The following MERTK variants were observed in gnomAD, a reference collection of about 807,000 sequenced individuals.
The protein encoded by MERTK is MER proto-oncogene, tyrosine kinase.
MERTK carries 69 observed loss-of-function variants against 99.3 expected under a neutral mutation model. That is an observed-to-expected ratio of 0.70 (90% CI 0.57 to 0.85). The LOEUF (loss-of-function observed/expected upper bound fraction) is 0.85. Ranked by LOEUF, MERTK falls within the 40% of genes least tolerant of loss-of-function variation. MERTK has a pLI of 0.00. For synonymous variants in MERTK, 426 were observed against 467.6 expected (o/e 0.91, Z 1.15); for missense variants, 1,125 against 1,249.4 (o/e 0.90, Z 1.50).
intron 10 of MERTK, among the ~76,000 whole-genome samples, chr2:111,999,672 T>A (rs1676827092): frequency 6.6e-6 from 1 of 152,214 alleles, no homozygotes; most frequent in South Asian, 2.1e-4. Context: ...CCATACCTAG[T>A]TTCCCCTATT....
At chr2:111,925,275 GATAT>G (rs201320082) in intron 1 of MERTK, among the ~76,000 whole-genome samples, 6 of 52,174 alleles carry the variant, frequency 1.2e-4, no homozygotes, top group African/African-American at 2.9e-4. Context: ...GTACAGATCA[GATAT>G]ATATATATAT....
intron 15 of MERTK, among the ~76,000 whole-genome samples, chr2:112,016,881 G>C (rs535860367): frequency 1.3e-5 from 2 of 152,222 alleles, no homozygotes; most frequent in Non-Finnish European, 2.9e-5. Flanking sequence ...CCTGAGGTCA[G>C]GATGTGTCCG....
intron 1 of MERTK, among the ~76,000 whole-genome samples, chr2:111,906,732 A>G (rs1426600913): frequency 4.6e-5 from 7 of 152,226 alleles, no homozygotes; most frequent in Non-Finnish European, 1.0e-4. Context: ...GTTCTTTGAA[A>G]GTTTTGGAGC....
At chr2:111,944,549 G>A in intron 2 of MERTK, among the ~76,000 whole-genome samples, 1 of 2,040 alleles carries the variant, frequency 4.9e-4, no homozygotes, top group Non-Finnish European at 1.1e-3. Context: ...CACACAGTGG[G>A]GGCTGACAAA....
intron 13 of MERTK, among the ~76,000 whole-genome samples, chr2:112,005,676 A>T (rs932250898): frequency 9.9e-5 from 15 of 152,240 alleles, no homozygotes; most frequent in African/African-American, 3.6e-4. Flanking sequence ...TGAATCATGG[A>T]TGGAGATTAT....
chr2:112,010,537 G>C (rs1677077442), intron 15 of MERTK, among the ~76,000 whole-genome samples: 1 of 152,150 alleles, frequency 6.6e-6, no homozygotes, highest in Admixed American at 6.5e-5. Context: ...TACTCCCTAT[G>C]TTGACTTACC....
At chr2:111,903,055 A>AG (rs1684075080) in intron 1 of MERTK, among the ~76,000 whole-genome samples, 1 of 152,220 alleles carries the variant, frequency 6.6e-6, no homozygotes, top group Non-Finnish European at 1.5e-5. Context: ...CAGAGATTAC[A>AG]GGCGTGAGCT....
At chr2:111,977,110 A>G (rs555266171) in intron 7 of MERTK, among the ~76,000 whole-genome samples, 2 of 152,270 alleles carry the variant, frequency 1.3e-5, no homozygotes, top group South Asian at 4.1e-4. Flanking sequence ...TACCATTTCT[A>G]GTGGTCTTCA....
Position 111,977,307 on chromosome 2 carries a change from T to C in MERTK, c.1144+1835T>C, listed in dbSNP as rs79337346. Among the ~76,000 whole-genome samples, 976 of 152,328 alleles carry C rather than the reference T, an allele frequency of 6.4e-3. 13 individuals carry two copies. Among genetic ancestry groups the C allele is most frequent in the African/African-American group, 0.023 (942 of 41,564 alleles). On this transcript the variant is annotated intron_variant, in intron 7 of 18. Coordinates refer to ENST00000295408, the MANE Select transcript of MERTK (RefSeq NM_006343.3). ...TAGCCTTCATTTTTGAAAGGTATTT[T>C]TATGAGGTATAGAACTGTAGGTTCA...
chr2:112,007,086 A>G (rs1447610583), intron 13 of MERTK, among the ~76,000 whole-genome samples: 1 of 152,176 alleles, frequency 6.6e-6, no homozygotes, highest in Admixed American at 6.5e-5. Context: ...TAAGTGTACA[A>G]TTCAGTGGTA....
At chr2:111,977,597 C>T (rs1676279772) in intron 7 of MERTK, among the ~76,000 whole-genome samples, 1 of 152,092 alleles carries the variant, frequency 6.6e-6, no homozygotes. Context: ...TTGTTGTTTA[C>T]ATCAAATTTG....
intron 7 of MERTK, among the ~76,000 whole-genome samples, chr2:111,980,610 G>A (rs1330275821): frequency 6.6e-6 from 1 of 151,882 alleles, no homozygotes; most frequent in African/African-American, 2.4e-5. Flanking sequence ...AGTAGAGACG[G>A]GGTTTCACCG....
rs189891146 is a variant in MERTK at position 112,022,490 on chromosome 2, G to T, written c.2486+96G>T. ...AAACACAGCCATGGGAGGGGAAAGG[G>T]ACTGCTGTTAGCCAGGTGGGCATGT... On this transcript the variant is annotated intron_variant, in intron 18 of 18. Coordinates refer to ENST00000295408, the MANE Select transcript of MERTK (RefSeq NM_006343.3). 2.2e-5 allele frequency: 35 copies of T among 1,575,464 alleles called. No homozygotes were observed. In the African/African-American group the frequency reaches 2.4e-4, roughly 11 times the overall value.
At chr2:112,019,302 T>A (rs1313504867) in intron 15 of MERTK, 111 bp from the exon 16 acceptor site, 1 of 824,488 alleles carries the variant, frequency 1.2e-6, no homozygotes, top group East Asian at 2.4e-5. Context: ...TTTCCTTATT[T>A]CATCACTACA....
intron 18 of MERTK, among the ~76,000 whole-genome samples, chr2:112,026,671 T>C (rs1677466809): frequency 6.6e-6 from 1 of 152,204 alleles, no homozygotes; most frequent in African/African-American, 2.4e-5. Context: ...ACATTCAGGA[T>C]CAAGCTCTTT....
At chr2:111,946,531 G>A (rs1280180831) in intron 3 of MERTK, among the ~76,000 whole-genome samples, 2 of 152,046 alleles carry the variant, frequency 1.3e-5, no homozygotes, top group Non-Finnish European at 1.5e-5. Context: ...TGGAAAGTAC[G>A]GTAGATTTAA....
chr2:111,975,260 C>T (rs1573613437), intron 6 of MERTK, 29 bp from the exon 7 acceptor site: 1 of 1,612,004 alleles, frequency 6.2e-7, no homozygotes, highest in Admixed American at 1.7e-5. Flanking sequence ...CTTACTAATG[C>T]CCGGTCCTCA....
At chr2:111,904,580 T>G (rs12711677) in intron 1 of MERTK, among the ~76,000 whole-genome samples, 68,925 of 151,846 alleles carry the variant, frequency 0.45, 15,851 homozygotes, top group East Asian at 0.74. Flanking sequence ...TTCACCGTGT[T>G]GGGCAGGCTG....
intron 1 of MERTK, among the ~76,000 whole-genome samples, chr2:111,911,278 T>C (rs558279652): frequency 5.3e-5 from 8 of 152,316 alleles, no homozygotes; most frequent in Middle Eastern, 3.4e-3. Context: ...TTTGTGAAGT[T>C]TGCTAAATTC....
Sources: allele counts gnomAD v4.1 joint callset (sites outside exome capture counted in the v4.1 genomes callset), GRCh38; gene constraint gnomAD v4.1.1; transcripts MANE v1.5; gene names NCBI Gene and HGNC (gene_info 2026-07-23, HGNC 2026-07-21).